FOXO1: variants seen among roughly 807,000 people sequenced by gnomAD.
FOXO1 encodes forkhead box O1.
Under a neutral mutation model 44.1 loss-of-function variants are expected in FOXO1, and 6 were observed. The ratio of observed to expected loss-of-function variants is 0.14; its 90% CI spans 0.07 to 0.27. The LOEUF is 0.27. FOXO1 is among the 10% of genes least tolerant of loss of function. The pLI is 1.00. For synonymous variants in FOXO1, 380 were observed against 362.7 expected (o/e 1.05, Z -0.54); for missense variants, 737 against 888.8 (o/e 0.83, Z 2.17).
chr13:40,615,832 G>A (rs930659411), intron 1 of FOXO1, among the ~76,000 whole-genome samples: 2 of 152,156 alleles, frequency 1.3e-5, no homozygotes, highest in Non-Finnish European at 1.5e-5. Flanking sequence ...GGAAAATGAC[G>A]TCAGGAGGGC....
chr13:40,616,305 A>G (rs1231330771), intron 1 of FOXO1, among the ~76,000 whole-genome samples: 2 of 152,192 alleles, frequency 1.3e-5, no homozygotes, highest in East Asian at 3.8e-4. Flanking sequence ...AACGCAAAAA[A>G]AGAACACTGC....
intron 1 of FOXO1, among the ~76,000 whole-genome samples, chr13:40,587,244 C>T (rs1392071981): frequency 2.0e-5 from 3 of 146,898 alleles, no homozygotes; most frequent in African/African-American, 5.2e-5. Flanking sequence ...CCTCCTCTGC[C>T]TGAGAAGGGC....
intron 1 of FOXO1, among the ~76,000 whole-genome samples, chr13:40,644,099 T>C (rs555250699): frequency 1.9e-4 from 29 of 152,190 alleles, no homozygotes; most frequent in Non-Finnish European, 3.8e-4. Flanking sequence ...AACGTGAGTT[T>C]TGGAATACTG....
At chr13:40,643,394 G>A (rs556912204) in intron 1 of FOXO1, among the ~76,000 whole-genome samples, 11 of 150,932 alleles carry the variant, frequency 7.3e-5, no homozygotes, top group South Asian at 2.1e-4. Flanking sequence ...TAACTTACCC[G>A]TATTTATACA....
chr13:40,606,885 T>C (rs1205957262), intron 1 of FOXO1, among the ~76,000 whole-genome samples: 1 of 152,246 alleles, frequency 6.6e-6, no homozygotes, highest in Admixed American at 6.5e-5. Flanking sequence ...TTTAAATTCC[T>C]CAGTAACTTC....
intron 1 of FOXO1, among the ~76,000 whole-genome samples, chr13:40,573,265 G>A (rs1291997822): frequency 1.3e-5 from 2 of 152,138 alleles, no homozygotes; most frequent in Non-Finnish European, 2.9e-5. Context: ...ACCAGATGTG[G>A]GCACATCTGT....
chr13:40,617,435 C>CAA (rs1027111023), intron 1 of FOXO1, among the ~76,000 whole-genome samples: 3 of 97,214 alleles, frequency 3.1e-5, no homozygotes, highest in East Asian at 2.8e-4. Flanking sequence ...AACTCCGTCT[C>CAA]AAAAAAAAAA....
In FOXO1 at chr13:40,558,785, C is replaced by G. The variant is rs1873857215; in HGVS notation, c.*264G>C. On this transcript the variant is annotated 3_prime_UTR_variant, in exon 3 of 3. Coordinates refer to ENST00000379561, the MANE Select transcript of FOXO1 (RefSeq NM_002015.4). ...ATTATATGGTGTAGTGAGTTTGGCA[C>G]TTCATTGTAATGAAATTTCCAATGG... 1 of 398,800 alleles carries G rather than the reference C, an allele frequency of 2.5e-6. No individual in the cohort carries two copies. The highest frequency in any genetic ancestry group is 4.4e-6 in the Non-Finnish European group (1 of 226,010). 24.7% of individuals were successfully genotyped at this position (398,800 alleles called of 1,614,324 possible). A position where few individuals can be genotyped will look rare whatever the true frequency, so the allele number is the denominator to read the frequency against.
Position 40,559,958 on chromosome 13 carries a change from T to C in FOXO1, c.1533A>G (p.Ala511=). 1 of 1,614,116 alleles carries C rather than the reference T, an allele frequency of 6.2e-7. No individual in the cohort carries two copies. Among genetic ancestry groups the C allele is most frequent in the Non-Finnish European group, 8.5e-7 (1 of 1,180,006 alleles). Reference sequence around the variant, plus strand: ...TGGGATTCATCATTTTGTTATGAGATGCCTGGCTGCCATAGGTTGACATGA... The same window carrying C: ...TGGGATTCATCATTTTGTTATGAGACGCCTGGCTGCCATAGGTTGACATGA... ...NSVMSTYGSQ[A]SHNKMMNPSS... The change falls in exon 2 of 3, where the codon GCA becomes GCG. Residue 511 remains alanine (A), a synonymous_variant. Coordinates refer to ENST00000379561, the MANE Select transcript of FOXO1 (RefSeq NM_002015.4).
intron 1 of FOXO1, among the ~76,000 whole-genome samples, chr13:40,653,909 AAGAGT>A (rs1162859657): frequency 1.3e-5 from 2 of 152,320 alleles, no homozygotes; most frequent in Admixed American, 6.5e-5. Context: ...CTAACATAGT[AAGAGT>A]AGAGAGTCAC....
chr13:40,590,197 A>G (rs1460458195), intron 1 of FOXO1, among the ~76,000 whole-genome samples: 1 of 152,188 alleles, frequency 6.6e-6, no homozygotes, highest in South Asian at 2.1e-4. Context: ...TGACGCAAAG[A>G]AAAGCCATTC....
At chr13:40,588,341 G>A (rs992395372) in intron 1 of FOXO1, among the ~76,000 whole-genome samples, 2 of 152,076 alleles carry the variant, frequency 1.3e-5, no homozygotes, top group African/African-American at 2.4e-5. Flanking sequence ...ACCTGAATCC[G>A]AACAGGCCAA....
rs1186093651 is a variant in FOXO1, at chr13:40,666,024, AGCCGAG to A, written c.183_188del (p.Ser62_Ala63del). The stretch of plus-strand genomic sequence containing the variant: ...TCATGAAGTCGGCGCTGACAGCGGC[AGCCGAG>A]GCCGAGGGCAGGCCCGCCGCGGCGT... On this transcript the variant is annotated inframe_deletion, in exon 1 of 3. Transcript: ENST00000379561. The A allele has an allele frequency of 2.3e-6, 3 of 1,278,330 alleles. No homozygotes were observed. The highest frequency in any genetic ancestry group is 3.0e-6 in the Non-Finnish European group (3 of 1,015,140). 79.2% of individuals were successfully genotyped at this position (1,278,330 alleles called of 1,614,324 possible).
At chr13:40,612,379 T>C (rs1035112450) in intron 1 of FOXO1, among the ~76,000 whole-genome samples, 13 of 152,160 alleles carry the variant, frequency 8.5e-5, no homozygotes, top group African/African-American at 2.2e-4. Context: ...TAAAGTGCCA[T>C]GTATGATGGC....
chr13:40,580,470 C>G (rs1874914211), intron 1 of FOXO1, among the ~76,000 whole-genome samples: 1 of 152,164 alleles, frequency 6.6e-6, no homozygotes, highest in African/African-American at 2.4e-5. Flanking sequence ...AATGTGAGAC[C>G]TTGGCTGAGT....
chr13:40,577,834 A>G (rs1449478124), intron 1 of FOXO1, among the ~76,000 whole-genome samples: 1 of 152,230 alleles, frequency 6.6e-6, no homozygotes, highest in Non-Finnish European at 1.5e-5. Flanking sequence ...AGGAGAAAAG[A>G]TAGATCAAGG....
chr13:40,569,847 C>A (rs1048684248), intron 1 of FOXO1, among the ~76,000 whole-genome samples: 2 of 152,070 alleles, frequency 1.3e-5, no homozygotes, highest in Non-Finnish European at 1.5e-5. Flanking sequence ...CTGGCCTCAA[C>A]TGATCCTCCC....
rs1036211926 is a variant in FOXO1 at position 40,666,199 on chromosome 13, G to A, written c.14C>T (p.Pro5Leu). The A allele has an allele frequency of 1.5e-5, 22 of 1,441,862 alleles. No individual in the cohort carries two copies. The highest frequency in any genetic ancestry group is 2.9e-5 in the African/African-American group (2 of 67,830). 89.3% of individuals were successfully genotyped at this position (1,441,862 alleles called of 1,614,324 possible). Residue 5 changes from proline to leucine, a missense_variant, in exon 1 of 3, where the codon CCT becomes CTT. By Grantham distance (98) the Pro-to-Leu change is moderately conservative. Coordinates refer to ENST00000379561, the MANE Select transcript of FOXO1 (RefSeq NM_002015.4). The part of the protein sequence containing the change: MAEA[P>L]QVVEIDPDFE... ...GTCCGGGTCGATCTCCACCACCTGAGGCGCCTCGGCCATGGTGACCCCCGC... is the reference window on the plus strand; with the variant it reads ...GTCCGGGTCGATCTCCACCACCTGAAGCGCCTCGGCCATGGTGACCCCCGC...
At chr13:40,561,888 T>C (rs536482744) in intron 1 of FOXO1, among the ~76,000 whole-genome samples, 26 of 142,856 alleles carry the variant, frequency 1.8e-4, no homozygotes, top group Admixed American at 5.2e-4. Context: ...AGAAGGAGAC[T>C]GCGGTGAGCT....
Sources: gnomAD v4.1 joint callset for allele counts (sites outside exome capture counted in the v4.1 genomes callset) on GRCh38, gnomAD v4.1.1 for gene constraint, MANE v1.5 for transcripts, NCBI Gene and HGNC (gene_info 2026-07-23, HGNC 2026-07-21) for gene names.